The following LIN52 variants were observed in gnomAD, a reference collection of about 807,000 sequenced individuals.
The protein encoded by LIN52 is protein lin-52 homolog.
LIN52 carries 4 observed loss-of-function variants against 18.5 expected under a neutral mutation model. The observed-to-expected ratio is 0.22, with a 90% CI of 0.11 to 0.49. The LOEUF (loss-of-function observed/expected upper bound fraction) is 0.49. Among genes scored for constraint, LIN52 ranks in the 20% least tolerant of loss-of-function variants. The probability of loss-of-function intolerance (pLI) is 0.97; values close to 1 mark genes in which losing one functional copy is unlikely to be tolerated. For missense variants in LIN52, 102 were observed against 139.5 expected (o/e 0.73, Z 1.35); for synonymous variants, 34 against 45.5 (o/e 0.75, Z 1.02).
intron 5 of LIN52, among the ~76,000 whole-genome samples, chr14:74,191,933 C>T (rs1238467626): frequency 1.3e-5 from 2 of 152,132 alleles, no homozygotes; most frequent in Non-Finnish European, 2.9e-5. Context: ...CCGCGCCCGG[C>T]CACTAAACTG....
At chr14:74,135,088 CAG>C (rs1175012416) in intron 5 of LIN52, among the ~76,000 whole-genome samples, 1 of 152,068 alleles carries the variant, frequency 6.6e-6, no homozygotes, top group Admixed American at 6.6e-5. Flanking sequence ...TGTTTTGAGA[CAG>C]AGTCTTGCTC....
chr14:74,138,653 T>G (rs1566858767), intron 5 of LIN52, among the ~76,000 whole-genome samples: 2 of 151,416 alleles, frequency 1.3e-5, no homozygotes, highest in East Asian at 3.9e-4. Flanking sequence ...CTTGGGAGGC[T>G]AAGGTGGGAA....
rs1430727068 is a variant in LIN52, at chr14:74,199,060, T to A, written c.*83T>A. 1.0e-6 allele frequency: 1 copy of A among 997,406 alleles called. No homozygotes were observed. Among genetic ancestry groups the A allele is most frequent in the Non-Finnish European group, 1.6e-6 (1 of 629,316 alleles). The allele number at this position is 997,406 out of a possible 1,614,324, so 61.8% of individuals were successfully genotyped here. On this transcript the variant is annotated 3_prime_UTR_variant, in exon 6 of 6. Coordinates refer to ENST00000555028, the MANE Select transcript of LIN52 (RefSeq NM_001024674.3). ...CCTCTAACAATGCACACCTCACTGCTTGCTTGGGAGAGGCCAGAGGGTGTA... is the reference window on the plus strand; with the variant it reads ...CCTCTAACAATGCACACCTCACTGCATGCTTGGGAGAGGCCAGAGGGTGTA...
In LIN52 at chr14:74,201,218, A is replaced by G. The variant is rs1440090371; in HGVS notation, c.*2241A>G. On this transcript the variant is annotated 3_prime_UTR_variant, in exon 6 of 6. Transcript: ENST00000555028. ...GTGATGGTTTTTGTGTCTTCATAAT[A>G]AATATGTCCCTTTTACAGGAGGGTG... 6.6e-6 allele frequency: 1 copy of G among 152,180 alleles called. No individual in the cohort carries two copies. Among genetic ancestry groups the G allele is most frequent in the South Asian group, 2.1e-4 (1 of 4,828 alleles). The allele number at this position is 152,180 out of a possible 1,614,324, so 9.4% of individuals were successfully genotyped here.
chr14:74,190,323 C>T (rs1018142271), intron 5 of LIN52, among the ~76,000 whole-genome samples: 13 of 149,054 alleles, frequency 8.7e-5, no homozygotes, highest in Non-Finnish European at 1.3e-4. Flanking sequence ...TTGATCCAGA[C>T]TGTTCTTTTC....
chr14:74,096,855 T>G (rs527890546), intron 3 of LIN52, among the ~76,000 whole-genome samples: 2 of 152,334 alleles, frequency 1.3e-5, no homozygotes, highest in Admixed American at 1.3e-4. Flanking sequence ...GTCTGGAGTG[T>G]GGCCAAGGCA....
chr14:74,163,576 A>C (rs759764797), intron 5 of LIN52, among the ~76,000 whole-genome samples: 1 of 152,186 alleles, frequency 6.6e-6, no homozygotes, highest in Non-Finnish European at 1.5e-5. Context: ...TTTAAGGTTA[A>C]TGATGGTTTT....
intron 5 of LIN52, among the ~76,000 whole-genome samples, chr14:74,118,510 A>G (rs1179667211): frequency 6.6e-6 from 1 of 152,238 alleles, no homozygotes; most frequent in Non-Finnish European, 1.5e-5. Context: ...GCTGTGGCTC[A>G]TGCCTGTGAT....
chr14:74,088,220 A>G (rs1164837078), intron 1 of LIN52, among the ~76,000 whole-genome samples: 1 of 152,092 alleles, frequency 6.6e-6, no homozygotes, highest in Non-Finnish European at 1.5e-5. Context: ...CCTCTCCAGT[A>G]GCTGGGATAA....
At chr14:74,131,486 CTT>C (rs200379868) in intron 5 of LIN52, among the ~76,000 whole-genome samples, 2,788 of 151,796 alleles carry the variant, frequency 0.018, 70 homozygotes, top group African/African-American at 0.062. Context: ...GACTGGCTAA[CTT>C]TTTGTATTTT....
At chr14:74,196,798 A>G (rs117427020) in intron 5 of LIN52, among the ~76,000 whole-genome samples, 8 of 152,290 alleles carry the variant, frequency 5.3e-5, no homozygotes, top group Non-Finnish European at 1.2e-4. Flanking sequence ...TATACCAAGC[A>G]TGTTCATTGC....
intron 5 of LIN52, among the ~76,000 whole-genome samples, chr14:74,134,260 T>G (rs907585101): frequency 1.3e-5 from 2 of 152,236 alleles, no homozygotes; most frequent in African/African-American, 4.8e-5. Flanking sequence ...TGTCAGTAAT[T>G]GTACTGCTGT....
At chr14:74,149,115 T>C (rs1472216227) in intron 5 of LIN52, among the ~76,000 whole-genome samples, 1 of 152,248 alleles carries the variant, frequency 6.6e-6, no homozygotes, top group Non-Finnish European at 1.5e-5. Flanking sequence ...CAACTCATTA[T>C]TGAAGCACTG....
chr14:74,163,984 A>AT (rs35991875), intron 5 of LIN52, among the ~76,000 whole-genome samples: 64,775 of 146,530 alleles, frequency 0.44, 15,097 homozygotes, highest in Non-Finnish European at 0.53. Flanking sequence ...CTGTACTGAA[A>AT]TTTTTTTTTT....
chr14:74,097,021 C>A (rs1449211306), intron 3 of LIN52, among the ~76,000 whole-genome samples: 1 of 152,188 alleles, frequency 6.6e-6, no homozygotes, highest in African/African-American at 2.4e-5. Context: ...AAAACCTCTA[C>A]AATAAAATTG....
chr14:74,165,513 C>CGTTTTTTTTTTTTTTTTTTTTTT (rs2061244777), intron 5 of LIN52, among the ~76,000 whole-genome samples: 1 of 110,260 alleles, frequency 9.1e-6, no homozygotes, highest in African/African-American at 3.8e-5. Context: ...GTTTTCTTTT[C>CGTTTTTTTTTTTTTTTTTTTTTT]TTTTTTTTTT....
At chr14:74,144,360 C>CA (rs532036942) in intron 5 of LIN52, among the ~76,000 whole-genome samples, 30 of 152,022 alleles carry the variant, frequency 2.0e-4, no homozygotes, top group African/African-American at 7.0e-4. Context: ...CTCCTGGGCT[C>CA]AATCAATCCT....
chr14:74,118,399 G>A (rs35045018), intron 5 of LIN52, among the ~76,000 whole-genome samples: 16,986 of 152,140 alleles, frequency 0.11, 1,249 homozygotes, highest in Admixed American at 0.19. Context: ...ATAAAGAAAA[G>A]CACACAAATT....
At chr14:74,118,847 C>A (rs2060979935) in intron 5 of LIN52, among the ~76,000 whole-genome samples, 1 of 152,174 alleles carries the variant, frequency 6.6e-6, no homozygotes, top group Admixed American at 6.6e-5. Context: ...CTTGCCCCTT[C>A]CTCTCAAAGC....
Sources: allele counts gnomAD v4.1 joint callset (sites outside exome capture counted in the v4.1 genomes callset), GRCh38; gene constraint gnomAD v4.1.1; transcripts MANE v1.5; gene names NCBI Gene and HGNC (gene_info 2026-07-23, HGNC 2026-07-21).